Variants in DTNB observed in about 807,000 individuals in gnomAD.
The protein encoded by DTNB is DTN-B.
Under a neutral mutation model 90.7 loss-of-function variants are expected in DTNB, and 63 were observed. That is an observed-to-expected ratio of 0.69 (90% CI 0.57 to 0.86). The LOEUF (loss-of-function observed/expected upper bound fraction) is 0.86. Among genes scored for constraint, DTNB ranks in the 40% least tolerant of loss-of-function variants. The probability of loss-of-function intolerance (pLI) is 0.00; values close to 1 mark genes in which losing one functional copy is unlikely to be tolerated. For missense variants in DTNB, 744 were observed against 807.1 expected (o/e 0.92, Z 0.95); for synonymous variants, 277 against 286.7 (o/e 0.97, Z 0.34).
rs563733233 is a variant in DTNB, at chr2:25,394,408, A to G, written c.1576-6047T>C. Reference sequence around the variant, plus strand: ...TAAATAGATGGGACTTAATTAAACTAAATAGCTTCTGCACAGCAAAAGAAA... The same window carrying G: ...TAAATAGATGGGACTTAATTAAACTGAATAGCTTCTGCACAGCAAAAGAAA... On this transcript the variant is annotated intron_variant, in intron 16 of 20. Transcript: ENST00000406818. Among the ~76,000 whole-genome samples, 196 of 152,338 alleles carry G rather than the reference A, an allele frequency of 1.3e-3. 1 individual carries two copies. The highest frequency in any genetic ancestry group is 4.6e-3 in the African/African-American group (192 of 41,584).
intron 12 of DTNB, among the ~76,000 whole-genome samples, chr2:25,449,083 C>T (rs1393496205): frequency 6.6e-6 from 1 of 152,048 alleles, no homozygotes; most frequent in Non-Finnish European, 1.5e-5. Flanking sequence ...TAGAATTTCA[C>T]ATAGAAAAAA....
chr2:25,535,835 C>T (rs560347724), intron 8 of DTNB, among the ~76,000 whole-genome samples: 103 of 138,466 alleles, frequency 7.4e-4, no homozygotes, highest in Non-Finnish European at 1.1e-3. Flanking sequence ...CACTTCCTCC[C>T]AAACGGGGCG....
intron 8 of DTNB, among the ~76,000 whole-genome samples, chr2:25,568,796 C>T (rs776637753): frequency 7.9e-5 from 12 of 152,184 alleles, no homozygotes; most frequent in Non-Finnish European, 1.5e-4. Context: ...CTCCCACAAC[C>T]ATCACCGGCA....
chr2:25,582,873 C>T (rs1387992913), intron 6 of DTNB, among the ~76,000 whole-genome samples: 4 of 152,124 alleles, frequency 2.6e-5, no homozygotes, highest in African/African-American at 9.7e-5. Context: ...ATAAAGCCAC[C>T]TAATATTTGA....
intron 3 of DTNB, among the ~76,000 whole-genome samples, chr2:25,635,092 A>T (rs1018466299): frequency 2.6e-5 from 4 of 151,160 alleles, no homozygotes; most frequent in African/African-American, 9.7e-5. Flanking sequence ...AAAAAAAAAA[A>T]GAAATTTTAA....
At chr2:25,492,722 A>C (rs1029388916) in intron 9 of DTNB, among the ~76,000 whole-genome samples, 3 of 152,144 alleles carry the variant, frequency 2.0e-5, no homozygotes, top group South Asian at 4.2e-4. Flanking sequence ...GGTGGTGCAC[A>C]CCTGTAGTCC....
intron 9 of DTNB, among the ~76,000 whole-genome samples, chr2:25,497,851 T>C (rs998263541): frequency 3.3e-5 from 5 of 152,232 alleles, no homozygotes; most frequent in Non-Finnish European, 2.9e-5. Context: ...ATTTGGCTAA[T>C]GTTACTTAAA....
At chr2:25,522,335 T>C (rs760790078) in intron 9 of DTNB, among the ~76,000 whole-genome samples, 52 of 152,326 alleles carry the variant, frequency 3.4e-4, no homozygotes, top group Middle Eastern at 3.4e-3. Flanking sequence ...ACATGACTTG[T>C]ATTACTTTCT....
At chr2:25,425,855 C>T (rs757177090) in intron 15 of DTNB, among the ~76,000 whole-genome samples, 5 of 152,274 alleles carry the variant, frequency 3.3e-5, no homozygotes, top group Admixed American at 6.5e-5. Context: ...AGGGGGAGGG[C>T]ATTCAAATGC....
intron 12 of DTNB, among the ~76,000 whole-genome samples, chr2:25,440,391 G>T (rs2150038385): frequency 6.6e-6 from 1 of 152,372 alleles, no homozygotes; most frequent in East Asian, 1.9e-4. Flanking sequence ...TGACTTAGCT[G>T]AAGGTAAGAC....
chr2:25,620,116 G>A (rs1409091858), intron 4 of DTNB, among the ~76,000 whole-genome samples: 2 of 152,128 alleles, frequency 1.3e-5, no homozygotes, highest in Non-Finnish European at 2.9e-5. Flanking sequence ...AAGGAGACTG[G>A]GTAATCCCAG....
intron 9 of DTNB, among the ~76,000 whole-genome samples, chr2:25,485,249 C>T (rs867690672): frequency 1.3e-5 from 2 of 152,094 alleles, no homozygotes; most frequent in Non-Finnish European, 2.9e-5. Context: ...GTTCAGGTAT[C>T]CTCCCACCTC....
intron 8 of DTNB, among the ~76,000 whole-genome samples, chr2:25,551,710 G>A (rs1558997140): frequency 6.6e-6 from 1 of 152,168 alleles, no homozygotes; most frequent in African/African-American, 2.4e-5. Context: ...TATGGATTTG[G>A]TGTAGAAACA....
intron 15 of DTNB, 79 bp from the exon 16 acceptor site, chr2:25,419,614 A>C: frequency 6.6e-7 from 1 of 1,521,928 alleles, no homozygotes; most frequent in Non-Finnish European, 8.8e-7. Context: ...ATCACCACAA[A>C]CATTGGTCAG....
chr2:25,385,889 G>A (rs1278254806), intron 18 of DTNB: 1 of 415,460 alleles, frequency 2.4e-6, no homozygotes. Context: ...CACTTATTTT[G>A]CATAAACTCT....
chr2:25,605,746 G>A (rs2066966059), intron 5 of DTNB, among the ~76,000 whole-genome samples: 1 of 152,006 alleles, frequency 6.6e-6, no homozygotes, highest in Admixed American at 6.5e-5. Flanking sequence ...TCTGGTATCA[G>A]CATCATTAAA....
At chr2:25,466,735 T>C (rs1482832537) in intron 10 of DTNB, among the ~76,000 whole-genome samples, 1 of 152,244 alleles carries the variant, frequency 6.6e-6, no homozygotes, top group Non-Finnish European at 1.5e-5. Flanking sequence ...CATTTTCTTA[T>C]GGCACCTAAA....
intron 16 of DTNB, among the ~76,000 whole-genome samples, chr2:25,395,224 C>T (rs1019940501): frequency 2.6e-4 from 40 of 152,036 alleles, no homozygotes; most frequent in African/African-American, 8.9e-4. Flanking sequence ...TTTGGGGACT[C>T]GGGGAAAGGG....
At chr2:25,623,906 C>A (rs2073458281) in intron 4 of DTNB, among the ~76,000 whole-genome samples, 1 of 152,128 alleles carries the variant, frequency 6.6e-6, no homozygotes, top group South Asian at 2.1e-4. Flanking sequence ...AGTGGACTCC[C>A]TCCTGGGCCA....
Sources: allele counts gnomAD v4.1 joint callset (sites outside exome capture counted in the v4.1 genomes callset), GRCh38; gene constraint gnomAD v4.1.1; transcripts MANE v1.5; gene names NCBI Gene and HGNC (gene_info 2026-07-23, HGNC 2026-07-21).